FGF12: variants seen among roughly 807,000 people sequenced by gnomAD.
FGF12 encodes the protein fibroblast growth factor 12.
A neutral mutation model predicts 23.6 loss-of-function variants in FGF12; 14 were observed. The observed-to-expected ratio is 0.59, with a 90% CI of 0.39 to 0.93. The LOEUF (loss-of-function observed/expected upper bound fraction) is 0.93. FGF12 is among the 40% of genes least tolerant of loss of function. FGF12 has a pLI of 0.00. For synonymous variants in FGF12, 62 were observed against 77.3 expected, an observed-to-expected ratio of 0.80 and a Z score of 1.04; for missense variants, 175 against 217.8, an observed-to-expected ratio of 0.80 and a Z score of 1.24.
At chr3:192,155,131 T>C (rs1714317080) in intron 5 of FGF12, among the ~76,000 whole-genome samples, 1 of 151,772 alleles carries the variant, frequency 6.6e-6, no homozygotes, top group African/African-American at 2.4e-5. Flanking sequence ...CCCTGCCCCC[T>C]TGCGCTTCCC....
intron 4 of FGF12, among the ~76,000 whole-genome samples, chr3:192,246,828 A>C (rs901487222): frequency 2.0e-5 from 3 of 151,090 alleles, no homozygotes; most frequent in Admixed American, 6.6e-5. Context: ...TCCGTCAAAA[A>C]AAAAAAAAAA....
intron 2 of FGF12, among the ~76,000 whole-genome samples, chr3:192,443,098 G>A (rs1722252148): frequency 2.0e-5 from 3 of 152,056 alleles, no homozygotes; most frequent in Admixed American, 1.3e-4. Context: ...GTGAGTCACC[G>A]TGCCCGGCCG....
intron 4 of FGF12, among the ~76,000 whole-genome samples, chr3:192,311,927 G>GTCTATCTATCTATCTATCTA (rs35183560): frequency 2.0e-4 from 29 of 145,464 alleles, no homozygotes; most frequent in Non-Finnish European, 2.9e-4. Context: ...TTGACTGTCT[G>GTCTATCTATCTATCTATCTA]TCTATCTATC....
At chr3:192,695,842 T>C (rs1451027557) in intron 2 of FGF12, among the ~76,000 whole-genome samples, 1 of 152,148 alleles carries the variant, frequency 6.6e-6, no homozygotes, top group Non-Finnish European at 1.5e-5. Context: ...CTAATGCCAG[T>C]GATACTAGTA....
chr3:192,443,366 T>C (rs183689025), intron 2 of FGF12, among the ~76,000 whole-genome samples: 1 of 152,220 alleles, frequency 6.6e-6, no homozygotes, highest in Non-Finnish European at 1.5e-5. Context: ...TTTTCTGCTC[T>C]TACATACAGA....
At chr3:192,468,928 T>A (rs1175838797) in intron 2 of FGF12, among the ~76,000 whole-genome samples, 1 of 152,206 alleles carries the variant, frequency 6.6e-6, no homozygotes, top group Non-Finnish European at 1.5e-5. Flanking sequence ...TTCTCCCCCA[T>A]TCATTCATTT....
chr3:192,181,998 T>C (rs1239879830), intron 4 of FGF12, among the ~76,000 whole-genome samples: 1 of 151,632 alleles, frequency 6.6e-6, no homozygotes, highest in Non-Finnish European at 1.5e-5. Context: ...GAATAAACAA[T>C]AAACAGCAGA....
intron 3 of FGF12, among the ~76,000 whole-genome samples, chr3:192,356,770 A>C (rs550412925): frequency 2.0e-5 from 3 of 152,184 alleles, no homozygotes; most frequent in African/African-American, 7.2e-5. Flanking sequence ...TTTTTCAAAC[A>C]ATCAACTGCT....
intron 4 of FGF12, among the ~76,000 whole-genome samples, chr3:192,212,344 G>A (rs1717974174): frequency 6.6e-6 from 1 of 152,144 alleles, no homozygotes; most frequent in South Asian, 2.1e-4. Flanking sequence ...ACAGTGTAGG[G>A]AAGAGATTTC....
intron 2 of FGF12, among the ~76,000 whole-genome samples, chr3:192,635,888 C>T (rs561385493): frequency 1.6e-4 from 24 of 152,200 alleles, no homozygotes; most frequent in African/African-American, 5.3e-4. Flanking sequence ...CCTTAAAGAT[C>T]GTTTGGTCAT....
chr3:192,575,794 A>T (rs893263451), intron 2 of FGF12, among the ~76,000 whole-genome samples: 1 of 144,506 alleles, frequency 6.9e-6, no homozygotes, highest in Non-Finnish European at 1.5e-5. Context: ...CCAACAAATA[A>T]TCTGTAGGGT....
intron 4 of FGF12, among the ~76,000 whole-genome samples, chr3:192,307,100 A>C (rs1715687155): frequency 6.6e-6 from 1 of 152,220 alleles, no homozygotes; most frequent in South Asian, 2.1e-4. Context: ...TTTCGCAAAC[A>C]CTTTTACAGC....
chr3:192,686,011 G>A (rs1025898710), intron 2 of FGF12, among the ~76,000 whole-genome samples: 3 of 152,202 alleles, frequency 2.0e-5, no homozygotes, highest in East Asian at 1.9e-4. Context: ...AAAGCGTGGC[G>A]CAATCAGGGA....
intron 4 of FGF12, among the ~76,000 whole-genome samples, chr3:192,187,508 A>T (rs1245374061): frequency 6.6e-6 from 1 of 152,232 alleles, no homozygotes; most frequent in African/African-American, 2.4e-5. Flanking sequence ...TATGTAATTC[A>T]TGTAGTCTTT....
chr3:192,326,000 T>C (rs1041822448), intron 4 of FGF12, among the ~76,000 whole-genome samples: 1 of 152,224 alleles, frequency 6.6e-6, no homozygotes, highest in Middle Eastern at 3.4e-3. Flanking sequence ...ATAAAGCCCA[T>C]TGAGTCCAGA....
intron 2 of FGF12, among the ~76,000 whole-genome samples, chr3:192,698,968 G>A (rs943465108): frequency 3.9e-4 from 60 of 152,084 alleles, no homozygotes; most frequent in African/African-American, 1.4e-3. Context: ...GAAAAGTTCC[G>A]TATGTTAATG....
chr3:192,382,499 A>G (rs1056898909), intron 2 of FGF12, among the ~76,000 whole-genome samples: 2 of 152,086 alleles, frequency 1.3e-5, no homozygotes, highest in African/African-American at 2.4e-5. Context: ...TCGCTTACCA[A>G]TTCTTAGTGT....
At chr3:192,246,861 GAGAGAGAGAAAGAA>G (rs1387131998) in intron 4 of FGF12, among the ~76,000 whole-genome samples, 1 of 147,708 alleles carries the variant, frequency 6.8e-6, no homozygotes, top group Admixed American at 6.8e-5. Context: ...AGGAAAGAGA[GAGAGAGAGAAAGAA>G]AGAGAGAGAA....
intron 4 of FGF12, among the ~76,000 whole-genome samples, chr3:192,304,623 A>G (rs1367805423): frequency 6.6e-6 from 1 of 152,176 alleles, no homozygotes; most frequent in Non-Finnish European, 1.5e-5. Flanking sequence ...GTATAATATA[A>G]TTATCGCATA....
Sources: allele counts gnomAD v4.1 joint callset (sites outside exome capture counted in the v4.1 genomes callset), GRCh38; gene constraint gnomAD v4.1.1; transcripts MANE v1.5; gene names NCBI Gene and HGNC (gene_info 2026-07-23, HGNC 2026-07-21).